TONSL: variants seen among roughly 807,000 people sequenced by gnomAD.
TONSL encodes tonsoku-like protein.
In TONSL, 112 loss-of-function variants were observed where a neutral mutation model predicts 147.1. That is an observed-to-expected ratio of 0.76 (90% confidence interval 0.65 to 0.89). The LOEUF (loss-of-function observed/expected upper bound fraction) is 0.89. Ranked by LOEUF, TONSL falls within the 40% of genes least tolerant of loss-of-function variation. The pLI is 0.00. For synonymous variants in TONSL, 868 were observed against 801.5 expected (o/e 1.08, Z -1.40); for missense variants, 1,883 against 1,864.6 (o/e 1.01, Z -0.18).
chr8:144,442,165 G>T lies in TONSL; in HGVS notation c.751-14C>A. The T allele has an allele frequency of 6.2e-7, 1 of 1,606,304 alleles. No individual in the cohort carries two copies. The highest frequency in any genetic ancestry group is 8.5e-7 in the Non-Finnish European group (1 of 1,175,926). ...GTCTTGGAGGACCTGGAGAGCAAAGGACAGCAAAGGTTTTGCAGAATCCCC... is the reference window on the plus strand; with the variant it reads ...GTCTTGGAGGACCTGGAGAGCAAAGTACAGCAAAGGTTTTGCAGAATCCCC... On this transcript the variant is annotated splice_polypyrimidine_tract_variant and intron_variant, in intron 6 of 25. Coordinates refer to ENST00000409379, the MANE Select transcript of TONSL (RefSeq NM_013432.5).
Position 144,436,841 on chromosome 8 carries a change from G to T in TONSL, c.1806C>A (p.Leu602=). The change falls in exon 15 of 26, where the codon CTC becomes CTA. Residue 602 remains leucine, a synonymous_variant. Transcript: ENST00000409379. ...GGQGCEGITP[L]HDALNCGHFE... The stretch of plus-strand genomic sequence containing the variant: ...AGTGGCCACAGTTGAGGGCATCGTG[G>T]AGGGGGGTGATGCCTTCGCAGCCCT... 1 of 1,610,950 alleles carries T rather than the reference G, an allele frequency of 6.2e-7. No homozygotes were observed. Among genetic ancestry groups the T allele is most frequent in the Non-Finnish European group, 8.5e-7 (1 of 1,179,940 alleles).
Position 144,444,268 on chromosome 8 carries a change from G to T in TONSL, c.33C>A (p.Ser11Arg). 6.9e-7 allele frequency: 1 copy of T among 1,447,336 alleles called. No individual in the cohort carries two copies. The highest frequency in any genetic ancestry group is 9.1e-7 in the Non-Finnish European group (1 of 1,100,920). The allele number at this position is 1,447,336 out of a possible 1,614,324, so 89.7% of individuals were successfully genotyped here. Reference protein sequence around the residue: MSLERELRQLSKAKAKAQRAG... With the variant: MSLERELRQLRKAKAKAQRAG... The stretch of plus-strand genomic sequence containing the variant: ...CCCTCTGCGCCTTGGCTTTCGCCTT[G>T]CTCAGCTCTGTGGGAGGAAGAGGAG... Residue 11 changes from serine to arginine, a missense_variant, in exon 2 of 26, where the codon AGC becomes AGA. Coordinates refer to ENST00000409379, the MANE Select transcript of TONSL (RefSeq NM_013432.5).
intron 22 of TONSL, chr8:144,432,691 C>T (rs991308256): frequency 6.7e-6 from 3 of 449,022 alleles, no homozygotes; most frequent in Non-Finnish European, 1.2e-5. Flanking sequence ...TGCCCTCTCC[C>T]ACCCCACAAC....
chr8:144,440,018 C>A lies in TONSL; in HGVS notation c.1480+3G>T, dbSNP rs374729792. On this transcript the variant is annotated splice_donor_region_variant and intron_variant, in intron 11 of 25. Coordinates refer to ENST00000409379, the MANE Select transcript of TONSL (RefSeq NM_013432.5). ...GGAAATGCAAGGTGCCGCTGGCCCT[C>A]ACCGCCCTCTGAGAGCTCCACCTCG... The A allele has an allele frequency of 1.6e-5, 19 of 1,153,960 alleles. No individual in the cohort carries two copies. The African/African-American group carries it at 2.7e-4, about 17-fold the overall frequency. 71.5% of individuals were successfully genotyped at this position (1,153,960 alleles called of 1,614,324 possible). A position where few individuals can be genotyped will look rare whatever the true frequency, so the allele number is the denominator to read the frequency against.
chr8:144,432,701 C>T (rs1422188348), intron 22 of TONSL: 2 of 435,718 alleles, frequency 4.6e-6, no homozygotes, highest in African/African-American at 2.1e-5. Flanking sequence ...CACCCCACAA[C>T]CACACGGTCC....
chr8:144,443,567 G>C (rs1404237208), intron 3 of TONSL, among the ~76,000 whole-genome samples: 1 of 152,228 alleles, frequency 6.6e-6, no homozygotes, highest in Non-Finnish European at 1.5e-5. Flanking sequence ...TTGGCGGGGG[G>C]GTTGCAGTCC....
chr8:144,441,307 T>C (rs1404904718), intron 7 of TONSL, 196 bp from the exon 8 acceptor site: 3 of 780,372 alleles, frequency 3.8e-6, no homozygotes, highest in Admixed American at 3.0e-5. Context: ...ACTTAAAAAC[T>C]CGGGGCCAGG....
chr8:144,443,424 T>A, intron 3 of TONSL, 103 bp from the exon 4 acceptor site: 2 of 1,204,260 alleles, frequency 1.7e-6, no homozygotes, highest in Non-Finnish European at 2.3e-6. Context: ...AAGAGCCTGC[T>A]CCCCCTAACC....
intron 13 of TONSL, chr8:144,437,528 G>A (rs1437534508): frequency 5.3e-5 from 9 of 171,084 alleles, no homozygotes; most frequent in Non-Finnish European, 8.9e-5. Flanking sequence ...TCCTGACCTC[G>A]TGATCTGCCC....
In TONSL at chr8:144,434,864, TC is replaced by T; in HGVS notation, c.3031del (p.Asp1011ThrfsTer5). The T allele has an allele frequency of 6.2e-7, 1 of 1,613,318 alleles. No individual in the cohort carries two copies. Among genetic ancestry groups the T allele is most frequent in the Non-Finnish European group, 8.5e-7 (1 of 1,179,940 alleles). Reference sequence around the variant, plus strand: ...GTAGCGGTCAGTCAACGGGGGCAGGTCCCACGAAGTCACCTCAGCCAACACC... The same window carrying T: ...GTAGCGGTCAGTCAACGGGGGCAGGTCCACGAAGTCACCTCAGCCAACACC... The part of the protein sequence containing the change: ...DEVLAEVTSW[D>X]LPPLTDRYRR... On this transcript the variant is annotated frameshift_variant, in exon 20 of 26. Coordinates refer to ENST00000409379, the MANE Select transcript of TONSL (RefSeq NM_013432.5). LOFTEE classifies it high-confidence loss of function.
In TONSL at chr8:144,440,080, G is replaced by GCCTCCTCCGCCT. The variant is rs781703040; in HGVS notation, c.1409_1420dup (p.Glu470_Glu473dup). On this transcript the variant is annotated inframe_insertion, in exon 11 of 26. Transcript: ENST00000409379. The stretch of plus-strand genomic sequence containing the variant: ...GGCTTCGCTCTCCGCTGTGGCTGCC[G>GCCTCCTCCGCCT]CCTCCTCCGCCTCCTCCTCCTCATC... The GCCTCCTCCGCCT allele has an allele frequency of 6.3e-6, 10 of 1,597,428 alleles. No homozygotes were observed. Among genetic ancestry groups the GCCTCCTCCGCCT allele is most frequent in the African/African-American group, 1.3e-5 (1 of 74,610 alleles).
chr8:144,436,554 T>C lies in TONSL; in HGVS notation c.2014+4A>G. 6.2e-7 allele frequency: 1 copy of C among 1,609,334 alleles called. No homozygotes were observed. Among genetic ancestry groups the C allele is most frequent in the Non-Finnish European group, 8.5e-7 (1 of 1,179,588 alleles). On this transcript the variant is annotated splice_donor_region_variant and intron_variant, in intron 16 of 25. Transcript: ENST00000409379. ...ACCCCAGGGACAAGGGACGCCCTGCTTGCCTTGGCCCGAGGCAGCCGCCTG... is the reference window on the plus strand; with the variant it reads ...ACCCCAGGGACAAGGGACGCCCTGCCTGCCTTGGCCCGAGGCAGCCGCCTG...
At position 144,441,017 on chromosome 8, in the gene TONSL, G is replaced by A; in HGVS notation, c.960C>T (p.Leu320=). 1 of 1,613,158 alleles carries A rather than the reference G, an allele frequency of 6.2e-7. No homozygotes were observed. The highest frequency in any genetic ancestry group is 8.5e-7 in the Non-Finnish European group (1 of 1,179,990). Residue 320 remains leucine (L), a synonymous_variant, in exon 8 of 26, where the codon CTC becomes CTT. Transcript: ENST00000409379. ...TGGGAAAGTCTCCTGCCTTGGAGAA[G>A]AGGTCCCCTAGCTGCTCACAGATGA... ...AMVICEQLGD[L]FSKAGDFPRA...
intron 3 of TONSL, among the ~76,000 whole-genome samples, chr8:144,443,565 G>T (rs530861660): frequency 6.6e-6 from 1 of 152,360 alleles, no homozygotes; most frequent in East Asian, 1.9e-4. Context: ...AGTTGGCGGG[G>T]GGGTTGCAGT....
At chr8:144,434,592 G>A (rs1014925653) in intron 20 of TONSL, among the ~76,000 whole-genome samples, 2 of 152,152 alleles carry the variant, frequency 1.3e-5, no homozygotes, top group African/African-American at 2.4e-5. Context: ...CCAGGCTTTC[G>A]GCTGCTTTTT....
intron 24 of TONSL, 126 bp downstream of exon 24, chr8:144,430,952 A>C (rs782265717): frequency 5.7e-5 from 64 of 1,123,200 alleles, no homozygotes; most frequent in Non-Finnish European, 7.7e-5. Context: ...TGGAAACCGA[A>C]GGAGCCAGGT....
In TONSL at chr8:144,436,686, G is replaced by T. The variant is rs765355229; in HGVS notation, c.1891-5C>A. On this transcript the variant is annotated splice_polypyrimidine_tract_variant and splice_region_variant and intron_variant, in intron 15 of 25. Coordinates refer to ENST00000409379, the MANE Select transcript of TONSL (RefSeq NM_013432.5). The stretch of plus-strand genomic sequence containing the variant: ...CGTCTCCAGCGGGCTGAGGCCCTGT[G>T]TGGCATCAGTTGAGCAGGGGCACAG... 80 of 1,611,838 alleles carry T rather than the reference G, an allele frequency of 5.0e-5. No homozygotes were observed. Among genetic ancestry groups the T allele is most frequent in the Non-Finnish European group, 4.7e-5 (56 of 1,179,924 alleles).
At chr8:144,438,928 C>G in intron 11 of TONSL, 193 bp from the exon 12 acceptor site, 1 of 635,126 alleles carries the variant, frequency 1.6e-6, no homozygotes, top group Non-Finnish European at 2.8e-6. Flanking sequence ...CCTGACCCTG[C>G]TGGGACCCTG....
intron 13 of TONSL, 53 bp from the exon 14 acceptor site, chr8:144,437,152 C>G: frequency 6.4e-7 from 1 of 1,570,510 alleles, no homozygotes; most frequent in Non-Finnish European, 8.7e-7. Context: ...CAGCCTGGCC[C>G]CAGCCCCGTG....
Sources: allele counts gnomAD v4.1 joint callset (sites outside exome capture counted in the v4.1 genomes callset), GRCh38; gene constraint gnomAD v4.1.1; transcripts MANE v1.5; gene names NCBI Gene and HGNC (gene_info 2026-07-23, HGNC 2026-07-21).